The following ADAMTS17 variants were observed in gnomAD, a reference collection of about 807,000 sequenced individuals.
ADAMTS17 encodes ADAM metallopeptidase with thrombospondin type 1 motif 17.
Under a neutral mutation model 141.5 loss-of-function variants are expected in ADAMTS17, and 113 were observed. That is an observed-to-expected ratio of 0.80 (90% CI 0.69 to 0.93). ADAMTS17 has a LOEUF of 0.93. Ranked by LOEUF, ADAMTS17 falls within the 40% of genes least tolerant of loss-of-function variation. The pLI is 0.00. For synonymous variants in ADAMTS17, 768 were observed against 630.6 expected (o/e 1.22, Z -3.27); for missense variants, 1,659 against 1,517.9 (o/e 1.09, Z -1.54).
intron 3 of ADAMTS17, among the ~76,000 whole-genome samples, chr15:100,309,088 G>A (rs533049759): frequency 2.0e-5 from 3 of 152,252 alleles, no homozygotes; most frequent in Non-Finnish European, 4.4e-5. Context: ...GTGGCCAGGG[G>A]CAATGGCTCA....
chr15:100,150,757 G>C (rs556597591), intron 10 of ADAMTS17, among the ~76,000 whole-genome samples: 1 of 152,258 alleles, frequency 6.6e-6, no homozygotes, highest in South Asian at 2.1e-4. Context: ...ACTCCACAGT[G>C]GGCAGAGTGA....
chr15:100,094,415 T>C (rs2035641863), intron 15 of ADAMTS17, among the ~76,000 whole-genome samples: 1 of 152,184 alleles, frequency 6.6e-6, no homozygotes, highest in African/African-American at 2.4e-5. Flanking sequence ...GAGGAGGACA[T>C]TACTGTGGCC....
In ADAMTS17 at chr15:100,089,653, TA is replaced by T. The variant is rs1178154183; in HGVS notation, c.2137+6702del. Among the ~76,000 whole-genome samples the T allele has an allele frequency of 5.9e-5, 9 of 151,922 alleles. No individual in the cohort carries two copies. In the East Asian group the frequency reaches 1.8e-3, roughly 30 times the overall value. ...TACACCATGGAATACTATGCAGCCA[TA>T]AAAAATGATGAGTTCATGTCCTTTG... On this transcript the variant is annotated intron_variant, in intron 15 of 21. Transcript: ENST00000268070.
intron 7 of ADAMTS17, among the ~76,000 whole-genome samples, chr15:100,227,969 G>A (rs941836872): frequency 2.0e-5 from 3 of 152,096 alleles, no homozygotes; most frequent in Non-Finnish European, 2.9e-5. Flanking sequence ...ACATGGCCAC[G>A]TCATCTGCCC....
At chr15:100,186,095 A>G (rs1407913117) in intron 8 of ADAMTS17, among the ~76,000 whole-genome samples, 1 of 152,172 alleles carries the variant, frequency 6.6e-6, no homozygotes, top group Non-Finnish European at 1.5e-5. Flanking sequence ...GATTCAGTGG[A>G]GAAGGGAAGG....
intron 8 of ADAMTS17, among the ~76,000 whole-genome samples, chr15:100,166,830 T>C (rs1010072236): frequency 8.5e-5 from 13 of 152,114 alleles, no homozygotes; most frequent in African/African-American, 2.2e-4. Context: ...CTTTCAAGAG[T>C]AGATTTTGCA....
chr15:100,185,789 C>A (rs1319409780), intron 8 of ADAMTS17, among the ~76,000 whole-genome samples: 1 of 152,220 alleles, frequency 6.6e-6, no homozygotes, highest in Non-Finnish European at 1.5e-5. Flanking sequence ...TCATCATCCC[C>A]TTCCCTTGCC....
At chr15:100,018,246 T>G (rs1384702892) in intron 18 of ADAMTS17, among the ~76,000 whole-genome samples, 1 of 152,262 alleles carries the variant, frequency 6.6e-6, no homozygotes, top group Non-Finnish European at 1.5e-5. Context: ...CAGCATTCTT[T>G]TCTTTTGTAA....
At chr15:100,217,436 A>G (rs2141759056) in intron 7 of ADAMTS17, among the ~76,000 whole-genome samples, 1 of 152,250 alleles carries the variant, frequency 6.6e-6, no homozygotes, top group African/African-American at 2.4e-5. Context: ...TGTCTCTACT[A>G]AAAATACAAA....
chr15:100,215,857 A>T (rs2141749484), intron 7 of ADAMTS17, among the ~76,000 whole-genome samples: 1 of 152,154 alleles, frequency 6.6e-6, no homozygotes, highest in Admixed American at 6.5e-5. Context: ...CTGAGGATGA[A>T]TAACTCAAAC....
chr15:100,295,195 C>T (rs1490920210), intron 3 of ADAMTS17, among the ~76,000 whole-genome samples: 1 of 152,218 alleles, frequency 6.6e-6, no homozygotes. Flanking sequence ...CAGGCCTCAA[C>T]TTGGTGCCCT....
intron 18 of ADAMTS17, among the ~76,000 whole-genome samples, chr15:99,999,299 G>C (rs115690726): frequency 6.6e-6 from 1 of 152,138 alleles, no homozygotes; most frequent in Non-Finnish European, 1.5e-5. Flanking sequence ...ATTAGAGACC[G>C]TAACACACAG....
intron 13 of ADAMTS17, among the ~76,000 whole-genome samples, chr15:100,116,148 A>AG (rs869159418): frequency 1.4e-5 from 2 of 142,516 alleles, no homozygotes; most frequent in East Asian, 3.9e-4. Context: ...AAAAAAAAAA[A>AG]AAAAAAAAAA....
intron 3 of ADAMTS17, among the ~76,000 whole-genome samples, chr15:100,323,883 A>G (rs919014084): frequency 4.6e-5 from 7 of 152,104 alleles, no homozygotes; most frequent in Non-Finnish European, 8.8e-5. Context: ...TAATCGCTAT[A>G]AAAGTACAAA....
At chr15:100,226,438 A>T (rs1297017347) in intron 7 of ADAMTS17, among the ~76,000 whole-genome samples, 2 of 152,246 alleles carry the variant, frequency 1.3e-5, no homozygotes, top group Non-Finnish European at 2.9e-5. Flanking sequence ...GTTTTGAGGG[A>T]CCATAATACA....
At chr15:100,146,127 C>T (rs189145364) in intron 10 of ADAMTS17, among the ~76,000 whole-genome samples, 3 of 152,164 alleles carry the variant, frequency 2.0e-5, no homozygotes, top group African/African-American at 7.2e-5. Context: ...GAGCTGAGAT[C>T]GAGCTACTGC....
At chr15:100,277,592 C>T (rs1216180711) in intron 4 of ADAMTS17, among the ~76,000 whole-genome samples, 1 of 152,246 alleles carries the variant, frequency 6.6e-6, no homozygotes, top group Non-Finnish European at 1.5e-5. Context: ...CCAAGCCCCT[C>T]CAGCCCTCCT....
At chr15:100,016,910 G>T (rs2061301578) in intron 18 of ADAMTS17, among the ~76,000 whole-genome samples, 1 of 152,196 alleles carries the variant, frequency 6.6e-6, no homozygotes, top group African/African-American at 2.4e-5. Context: ...TCAGTGGCAG[G>T]TGGGGCCCTA....
chr15:100,190,664 G>T (rs543845280), intron 8 of ADAMTS17, among the ~76,000 whole-genome samples: 44 of 152,340 alleles, frequency 2.9e-4, no homozygotes, highest in Admixed American at 7.8e-4. Context: ...CACTGGCAGT[G>T]GGCAGTAGGT....
Sources: allele counts gnomAD v4.1 joint callset (sites outside exome capture counted in the v4.1 genomes callset), GRCh38; gene constraint gnomAD v4.1.1; transcripts MANE v1.5; gene names NCBI Gene and HGNC (gene_info 2026-07-23, HGNC 2026-07-21).